The following USP54 variants were observed in gnomAD, a reference collection of about 807,000 sequenced individuals.
USP54 encodes ubiquitin carboxyl-terminal hydrolase 54.
A neutral mutation model predicts 170.5 loss-of-function variants in USP54; 87 were observed. The observed-to-expected ratio is 0.51, with a 90% CI of 0.43 to 0.61. USP54 has a LOEUF of 0.61. Among genes scored for constraint, USP54 ranks in the 20% least tolerant of loss-of-function variants. The pLI is 0.00. For missense variants in USP54, 1,786 were observed against 2,047.8 expected, an observed-to-expected ratio of 0.87 and a Z score of 2.47; for synonymous variants, 655 against 742.8, an observed-to-expected ratio of 0.88 and a Z score of 1.92.
intron 4 of USP54, among the ~76,000 whole-genome samples, chr10:73,550,719 G>A (rs938795007): frequency 2.0e-5 from 3 of 152,026 alleles, no homozygotes; most frequent in African/African-American, 7.3e-5. Context: ...AAATAAGTAA[G>A]GAATCACCTT....
At chr10:73,625,793 A>ACCCACAGGACCCAGGTCCTGC, upstream of USP54, 1 of 150,476 alleles carries the variant, frequency 6.6e-6, no homozygotes, top group South Asian at 2.1e-4. Context: ...GCGTCCCTGT[A>ACCCACAGGACCCAGGTCCTGC]CCCACAGGAC....
intron 1 of USP54, among the ~76,000 whole-genome samples, chr10:73,619,964 A>G (rs1347172618): frequency 6.6e-6 from 1 of 150,602 alleles, no homozygotes; most frequent in Admixed American, 6.6e-5. Context: ...AGTTAACTGG[A>G]AACCAGGACA....
At chr10:73,614,440 A>G (rs948855690) in intron 1 of USP54, among the ~76,000 whole-genome samples, 1 of 149,136 alleles carries the variant, frequency 6.7e-6, no homozygotes, top group South Asian at 2.1e-4. Flanking sequence ...ATGCACCTGT[A>G]GTCCCAGCTA....
rs760779551 is a variant in USP54 at position 73,541,735 on chromosome 10, A to T, written c.576T>A (p.Asn192Lys). The change falls in exon 8 of 24, where the codon AAT becomes AAA. Residue 192 changes from asparagine (N) to lysine (K), a missense_variant. Physicochemically the swap from Asn to Lys is moderately conservative, Grantham distance 94 (BLOSUM62 0). Around this residue, in one of 3 missense-constraint regions of USP54, gnomAD observed 361 missense variants for 455.0 expected, o/e 0.79. Coordinates refer to ENST00000687698, the MANE Select transcript of USP54 (RefSeq NM_001391956.1). ...GTCTTTCCAGCATACAAATAGCCTG[A>T]TTGCTTCAAGATGGGGAATAGAAGG... Reference protein sequence around the residue: ...VHYISTTSLCNQAICMLERRE... With the variant: ...VHYISTTSLCKQAICMLERRE... 1 of 1,614,072 alleles carries T rather than the reference A, an allele frequency of 6.2e-7. No individual in the cohort carries two copies. The highest frequency in any genetic ancestry group is 2.2e-5 in the East Asian group (1 of 44,882).
chr10:73,557,680 T>C (rs894197713), intron 4 of USP54, among the ~76,000 whole-genome samples: 3 of 151,780 alleles, frequency 2.0e-5, no homozygotes, highest in Admixed American at 6.6e-5. Context: ...GAGACAAGGT[T>C]TCACCATGTT....
At chr10:73,526,610 C>A in intron 16 of USP54, 37 bp downstream of exon 16, 3 of 1,610,664 alleles carry the variant, frequency 1.9e-6, no homozygotes. Context: ...AACTGCCGGT[C>A]AAATCCAGTC....
chr10:73,592,018 A>G (rs1210442495), upstream of USP54, among the ~76,000 whole-genome samples: 5 of 152,288 alleles, frequency 3.3e-5, no homozygotes, highest in East Asian at 7.7e-4. Context: ...TCTCAACCCC[A>G]AAGTCCACAA....
intron 1 of USP54, among the ~76,000 whole-genome samples, chr10:73,616,889 A>G (rs1348649848): frequency 6.6e-6 from 1 of 150,688 alleles, no homozygotes; most frequent in Non-Finnish European, 1.5e-5. Context: ...TAGCTTTGAT[A>G]CAAAAGAAAA....
intron 20 of USP54, among the ~76,000 whole-genome samples, chr10:73,509,068 T>A (rs1208279528): frequency 3.0e-3 from 64 of 21,232 alleles, no homozygotes; most frequent in Admixed American, 5.7e-3. Context: ...CCTCAACAAA[T>A]AAATGGAGGG....
intron 22 of USP54, among the ~76,000 whole-genome samples, chr10:73,502,283 C>T (rs76819888): frequency 0.02 from 3,057 of 152,250 alleles, 41 homozygotes; most frequent in Non-Finnish European, 0.033. Flanking sequence ...CCAGTCCTCT[C>T]AGCATGTGAC....
chr10:73,601,503 C>CTT (rs11365475), intron 1 of USP54, among the ~76,000 whole-genome samples: 1 of 146,654 alleles, frequency 6.8e-6, no homozygotes, highest in Non-Finnish European at 1.5e-5. Context: ...CCAAAAATGC[C>CTT]TTTTTTTTTT....
intron 20 of USP54, among the ~76,000 whole-genome samples, chr10:73,508,512 T>C (rs897698279): frequency 1.3e-5 from 2 of 151,938 alleles, no homozygotes; most frequent in Non-Finnish European, 2.9e-5. Flanking sequence ...CTCTCATCAA[T>C]AGAAAGACTA....
At chr10:73,518,199 G>A in intron 19 of USP54, 2 of 985,436 alleles carry the variant, frequency 2.0e-6, no homozygotes, top group Non-Finnish European at 2.4e-6. Context: ...CTGGGGTCCT[G>A]AGAGGCAGCC....
intron 4 of USP54, among the ~76,000 whole-genome samples, chr10:73,558,445 ATGGGAT>A (rs1216565605): frequency 6.6e-6 from 1 of 152,206 alleles, no homozygotes; most frequent in East Asian, 1.9e-4. Flanking sequence ...GCATACAGGC[ATGGGAT>A]TGTATTATAG....
At chr10:73,579,687 G>T (rs1422415172) in intron 1 of USP54, among the ~76,000 whole-genome samples, 2 of 151,926 alleles carry the variant, frequency 1.3e-5, no homozygotes, top group Non-Finnish European at 2.9e-5. Flanking sequence ...AACCCGGGAG[G>T]TGGAGGTTGC....
At chr10:73,554,521 T>A (rs556723276) in intron 4 of USP54, among the ~76,000 whole-genome samples, 145 of 152,244 alleles carry the variant, frequency 9.5e-4, no homozygotes, top group Non-Finnish European at 1.6e-3. Context: ...TTCAAAAGAA[T>A]GTTGAAAGTT....
intron 20 of USP54, among the ~76,000 whole-genome samples, chr10:73,514,890 G>C (rs183870219): frequency 1.1e-4 from 17 of 151,814 alleles, no homozygotes; most frequent in African/African-American, 4.1e-4. Context: ...AAATACAAGA[G>C]TTAGCCAGGT....
At chr10:73,538,369 T>G (rs2065754511) in intron 10 of USP54, 1 of 151,810 alleles carries the variant, frequency 6.6e-6, no homozygotes, top group South Asian at 2.1e-4. Flanking sequence ...GTAATCAATC[T>G]CCCCGAGCCC....
chr10:73,604,592 ATT>A (rs71021554), intron 1 of USP54, among the ~76,000 whole-genome samples: 20 of 141,596 alleles, frequency 1.4e-4, no homozygotes, highest in African/African-American at 2.3e-4. Context: ...ATCTCCACAA[ATT>A]TTTTTTTTTT....
Sources: gnomAD v4.1 joint callset for allele counts (sites outside exome capture counted in the v4.1 genomes callset) on GRCh38, gnomAD v4.1.1 for gene constraint, gnomAD v4.1.1 regional missense constraint, MANE v1.5 for transcripts, NCBI Gene and HGNC (gene_info 2026-07-23, HGNC 2026-07-21) for gene names.